Variants in ZMYM4 observed in about 807,000 individuals in gnomAD.
ZMYM4 encodes the protein zinc finger MYM-type protein 4.
A neutral mutation model predicts 183.2 loss-of-function variants in ZMYM4; 31 were observed. The ratio of observed to expected loss-of-function variants is 0.17; its 90% CI spans 0.13 to 0.23. The LOEUF (loss-of-function observed/expected upper bound fraction) is 0.23. Ranked by LOEUF, ZMYM4 falls within the 10% of genes least tolerant of loss-of-function variation. The pLI, the probability that ZMYM4 is intolerant of heterozygous loss-of-function variation, is 1.00. For synonymous variants in ZMYM4, 592 were observed against 631.2 expected (o/e 0.94, Z 0.93); for missense variants, 1,273 against 1,840.3 (o/e 0.69, Z 5.64).
intron 1 of ZMYM4, among the ~76,000 whole-genome samples, chr1:35,306,204 T>C (rs1641525130): frequency 6.6e-6 from 1 of 152,238 alleles, no homozygotes; most frequent in Admixed American, 6.5e-5. Flanking sequence ...TTAGAGGTTA[T>C]TGTAAAGATT....
chr1:35,349,625 C>T (rs1643523577), intron 2 of ZMYM4, among the ~76,000 whole-genome samples: 1 of 151,580 alleles, frequency 6.6e-6, no homozygotes, highest in South Asian at 2.1e-4. Context: ...GTCAGGAGTT[C>T]GAAACCAGCC....
At chr1:35,414,108 T>C in intron 27 of ZMYM4, 25 bp downstream of exon 27, 1 of 1,301,316 alleles carries the variant, frequency 7.7e-7, no homozygotes. Flanking sequence ...TTTTTATTGT[T>C]TTCATGATAT....
intron 2 of ZMYM4, among the ~76,000 whole-genome samples, chr1:35,347,927 T>TA (rs1643459823): frequency 6.6e-6 from 1 of 152,226 alleles, no homozygotes; most frequent in South Asian, 2.1e-4. Flanking sequence ...AGTAAGATGA[T>TA]AGTTTATTAC....
At chr1:35,349,559 G>A (rs1643520668) in intron 2 of ZMYM4, among the ~76,000 whole-genome samples, 1 of 152,052 alleles carries the variant, frequency 6.6e-6, no homozygotes, top group Non-Finnish European at 1.5e-5. Flanking sequence ...CGAGCGCGGT[G>A]GCTCATGCCT....
intron 1 of ZMYM4, among the ~76,000 whole-genome samples, chr1:35,319,064 G>A (rs1178772614): frequency 2.0e-5 from 3 of 152,036 alleles, no homozygotes; most frequent in Non-Finnish European, 4.4e-5. Context: ...ATTTTCAGTA[G>A]AGACAGGGTT....
intron 23 of ZMYM4, among the ~76,000 whole-genome samples, chr1:35,403,445 C>T (rs555860571): frequency 7.2e-5 from 11 of 152,196 alleles, no homozygotes; most frequent in Admixed American, 2.6e-4. Context: ...ACCACCATGC[C>T]TGGGTAATTT....
At chr1:35,318,151 C>T (rs1305943435) in intron 1 of ZMYM4, among the ~76,000 whole-genome samples, 7 of 151,150 alleles carry the variant, frequency 4.6e-5, no homozygotes, top group East Asian at 1.9e-4. Context: ...CTCTGCCTCC[C>T]GGGTTCAAGT....
chr1:35,325,280 G>T, intron 1 of ZMYM4, 80 bp from the exon 2 acceptor site: 1 of 1,303,414 alleles, frequency 7.7e-7, no homozygotes, highest in Non-Finnish European at 1.1e-6. Context: ...CAGCTCCTTG[G>T]GGAATAGGGA....
chr1:35,328,454 ATTTTTTTTTT>A (rs754078160), intron 2 of ZMYM4, among the ~76,000 whole-genome samples: 6 of 117,090 alleles, frequency 5.1e-5, no homozygotes, highest in African/African-American at 2.1e-4. Flanking sequence ...TAATTTTTTA[ATTTTTTTTTT>A]TTTTTTTTTT....
rs527313175 is a variant in ZMYM4 at position 35,269,097 on chromosome 1, G to A, written c.39+12G>A. The A allele has an allele frequency of 5.7e-5, 89 of 1,548,724 alleles. No individual in the cohort carries two copies. The East Asian group carries it at 2.1e-3, about 37-fold the overall frequency. On this transcript the variant is annotated intron_variant, in intron 1 of 29. Coordinates refer to ENST00000314607, the MANE Select transcript of ZMYM4 (RefSeq NM_005095.3). ...GCCCCCGAAAGAGGGTAGGTGAGGT[G>A]AGGCAGAACTCGGGCGGCGGGGGGC...
At chr1:35,380,791 T>C (rs944452932) in intron 7 of ZMYM4, among the ~76,000 whole-genome samples, 1 of 152,172 alleles carries the variant, frequency 6.6e-6, no homozygotes, top group Admixed American at 6.5e-5. Flanking sequence ...TATTTAGATA[T>C]GGTAATGTTA....
intron 28 of ZMYM4, 59 bp from the exon 29 acceptor site, chr1:35,418,384 G>A: frequency 1.9e-6 from 3 of 1,574,576 alleles, no homozygotes; most frequent in Non-Finnish European, 2.6e-6. Context: ...TTGGTGTCTT[G>A]AGACTCAAAG....
chr1:35,329,460 T>C (rs1378668321), intron 2 of ZMYM4, among the ~76,000 whole-genome samples: 1 of 152,224 alleles, frequency 6.6e-6, no homozygotes, highest in Non-Finnish European at 1.5e-5. Flanking sequence ...AGTTGCTTCC[T>C]TAAGTCAAGG....
chr1:35,319,068 CAG>C (rs1175823951), intron 1 of ZMYM4, among the ~76,000 whole-genome samples: 1 of 152,038 alleles, frequency 6.6e-6, no homozygotes, highest in Non-Finnish European at 1.5e-5. Context: ...TCAGTAGAGA[CAG>C]GGTTTCTCTA....
At chr1:35,332,377 G>A (rs1229170008) in intron 2 of ZMYM4, among the ~76,000 whole-genome samples, 1 of 150,712 alleles carries the variant, frequency 6.6e-6, no homozygotes, top group Non-Finnish European at 1.5e-5. Context: ...AATGGCTCCG[G>A]TGTTCAGAAA....
At chr1:35,336,839 A>G (rs1017974078) in intron 2 of ZMYM4, among the ~76,000 whole-genome samples, 6 of 152,218 alleles carry the variant, frequency 3.9e-5, no homozygotes, top group African/African-American at 1.2e-4. Context: ...TGTAGTCCTC[A>G]TGTCTCTACA....
At chr1:35,396,484 T>C in intron 18 of ZMYM4, 68 bp from the exon 19 acceptor site, 9 of 1,586,692 alleles carry the variant, frequency 5.7e-6, no homozygotes, top group Non-Finnish European at 7.7e-6. Context: ...AGCTTTTTTA[T>C]TTTGAAATCT....
chr1:35,287,051 A>C (rs1480228767), intron 1 of ZMYM4, among the ~76,000 whole-genome samples: 1 of 151,378 alleles, frequency 6.6e-6, no homozygotes, highest in Admixed American at 6.6e-5. Context: ...TCTTTATTTG[A>C]CCTTTCTTAT....
rs545238273 is a variant in ZMYM4 at position 35,318,119 on chromosome 1, C to T, written c.40-7241C>T. On this transcript the variant is annotated intron_variant, in intron 1 of 29. Transcript: ENST00000314607. ...TATCACCCAGACTGGAGTACAGTTG[C>T]GCAACCTTGGCTCACTGCAACCTCT... 5.3e-4 allele frequency among the ~76,000 whole-genome samples: 72 copies of T among 135,612 alleles called. No homozygotes were observed. In the East Asian group the frequency reaches 0.012, roughly 22 times the overall value. 89.0% of individuals were successfully genotyped at this position (135,612 alleles called of 152,430 possible).
Sources: allele counts gnomAD v4.1 joint callset (sites outside exome capture counted in the v4.1 genomes callset), GRCh38; gene constraint gnomAD v4.1.1; transcripts MANE v1.5; gene names NCBI Gene and HGNC (gene_info 2026-07-23, HGNC 2026-07-21).